TXNDC5: variants seen among roughly 807,000 people sequenced by gnomAD.
TXNDC5 encodes the protein thioredoxin domain containing 5.
TXNDC5 carries 44 observed loss-of-function variants against 52.6 expected under a neutral mutation model. The observed-to-expected ratio is 0.84, with a 90% confidence interval of 0.66 to 1.08. The LOEUF is 1.08. Ranked by LOEUF, TXNDC5 falls within the 50% of genes least tolerant of loss-of-function variation. The probability of loss-of-function intolerance (pLI) is 0.00; values close to 1 mark genes in which losing one functional copy is unlikely to be tolerated. For missense variants in TXNDC5, 600 were observed against 565.5 expected, an observed-to-expected ratio of 1.06 and a Z score of -0.62; for synonymous variants, 241 against 234.4, an observed-to-expected ratio of 1.03 and a Z score of -0.26.
intron 7 of TXNDC5, 95 bp from the exon 8 acceptor site, chr6:7,886,138 T>A (rs1052082523): frequency 9.9e-6 from 11 of 1,108,300 alleles, no homozygotes; most frequent in Admixed American, 2.1e-5. Context: ...AGTAATTTTT[T>A]AAAAATGCAG....
rs552221147 is a variant in TXNDC5 at position 7,901,845 on chromosome 6, AGT to A, written c.414-2166_414-2165del. Among the ~76,000 whole-genome samples, 739 of 152,360 alleles carry A rather than the reference AGT, an allele frequency of 4.9e-3. 7 individuals are homozygous for A. The highest frequency in any genetic ancestry group is 9.6e-3 in the Admixed American group (147 of 15,308). ...TGATGAAAGTTCTACTACCGTAGACAGTGTTATCAGTTGAACTGTGTCCTGCA... is the reference window on the plus strand; with the variant it reads ...TGATGAAAGTTCTACTACCGTAGACAGTTATCAGTTGAACTGTGTCCTGCA... On this transcript the variant is annotated intron_variant, in intron 2 of 9. Transcript: ENST00000379757.
At chr6:7,908,369 G>C (rs1425726244) in intron 1 of TXNDC5, among the ~76,000 whole-genome samples, 1 of 151,522 alleles carries the variant, frequency 6.6e-6, no homozygotes. Flanking sequence ...ACATATAATG[G>C]AAAAGGAATT....
At chr6:7,890,450 G>A (rs1331472443) in intron 5 of TXNDC5, among the ~76,000 whole-genome samples, 1 of 152,130 alleles carries the variant, frequency 6.6e-6, no homozygotes, top group African/African-American at 2.4e-5. Context: ...CAGGGATGAA[G>A]GGCTTCAGCG....
intron 6 of TXNDC5, chr6:7,889,114 T>C: frequency 2.1e-6 from 1 of 487,050 alleles, no homozygotes; most frequent in South Asian, 3.7e-5. Flanking sequence ...CAAGCCGTTG[T>C]GCTGATGGGG....
At chr6:7,892,847 A>T (rs1760241643) in intron 4 of TXNDC5, among the ~76,000 whole-genome samples, 1 of 152,250 alleles carries the variant, frequency 6.6e-6, no homozygotes, top group Non-Finnish European at 1.5e-5. Context: ...TGTATTCATC[A>T]GCAGTGAAAA....
intron 4 of TXNDC5, among the ~76,000 whole-genome samples, chr6:7,892,258 A>AT (rs550819945): frequency 3.9e-5 from 6 of 152,188 alleles, no homozygotes; most frequent in African/African-American, 1.4e-4. Context: ...ACTGAAACTG[A>AT]TTTTGTCCCC....
At chr6:7,900,914 G>T (rs1760543670) in intron 2 of TXNDC5, among the ~76,000 whole-genome samples, 1 of 151,960 alleles carries the variant, frequency 6.6e-6, no homozygotes, top group Admixed American at 6.6e-5. Context: ...TGGGGATTAG[G>T]ATTTCCCCTA....
chr6:7,906,132 C>A (rs749066393), intron 1 of TXNDC5, among the ~76,000 whole-genome samples: 5 of 147,982 alleles, frequency 3.4e-5, no homozygotes, highest in Non-Finnish European at 7.4e-5. Context: ...TCCTAGCTAC[C>A]TGGGAGGCTG....
intron 4 of TXNDC5, among the ~76,000 whole-genome samples, chr6:7,893,052 A>AT (rs1760249393): frequency 6.6e-6 from 1 of 152,226 alleles, no homozygotes; most frequent in Middle Eastern, 3.2e-3. Flanking sequence ...ATATTTTATC[A>AT]TAAAAAAAAG....
chr6:7,906,104 G>A (rs1473203904), intron 1 of TXNDC5, among the ~76,000 whole-genome samples: 1 of 148,112 alleles, frequency 6.8e-6, no homozygotes, highest in African/African-American at 2.7e-5. Flanking sequence ...AGCCTGGTGT[G>A]GTGGCACACA....
chr6:7,889,694 G>C, intron 5 of TXNDC5, 113 bp from the exon 6 acceptor site: 1 of 777,280 alleles, frequency 1.3e-6, no homozygotes, highest in Non-Finnish European at 2.1e-6. Flanking sequence ...TCCACATTCT[G>C]TAGCAACTCT....
rs1355866669 is a variant in TXNDC5 at position 7,883,105 on chromosome 6, G to A, written c.*39C>T. ...GGGACTGAACTCCTAAACGCAGGGT[G>A]CGGGAGCTGGGCAGGAGAGGTGACC... On this transcript the variant is annotated 3_prime_UTR_variant, in exon 10 of 10. Coordinates refer to ENST00000379757, the MANE Select transcript of TXNDC5 (RefSeq NM_030810.5). 2 of 1,613,606 alleles carry A rather than the reference G, an allele frequency of 1.2e-6. No homozygotes were observed. Among genetic ancestry groups the A allele is most frequent in the Non-Finnish European group, 1.7e-6 (2 of 1,179,848 alleles).
chr6:7,889,745 C>G (rs950496896), intron 5 of TXNDC5, among the ~76,000 whole-genome samples, 164 bp from the exon 6 acceptor site: 3 of 152,224 alleles, frequency 2.0e-5, no homozygotes, highest in South Asian at 2.1e-4. Context: ...TTCCTGAAAG[C>G]TATGCTAAAA....
At chr6:7,906,535 C>CAAAAAAAAAAAAAAAAAAAAA (rs1207193194) in intron 1 of TXNDC5, among the ~76,000 whole-genome samples, 2 of 42,552 alleles carry the variant, frequency 4.7e-5, no homozygotes, top group Admixed American at 3.2e-4. Flanking sequence ...GACTCCATCT[C>CAAAAAAAAAAAAAAAAAAAAA]AAAAAAAAAA....
At chr6:7,893,446 G>A (rs775700229) in intron 4 of TXNDC5, among the ~76,000 whole-genome samples, 13 of 152,206 alleles carry the variant, frequency 8.5e-5, no homozygotes, top group Admixed American at 7.2e-4. Flanking sequence ...TCAGAGTACT[G>A]ATGGGAAGCC....
chr6:7,906,639 T>A (rs567963775), intron 1 of TXNDC5, among the ~76,000 whole-genome samples: 2 of 149,246 alleles, frequency 1.3e-5, no homozygotes, highest in South Asian at 4.2e-4. Context: ...CTTGGCCAGC[T>A]AAGAGAATCC....
rs1251937402 is a variant in TXNDC5, at chr6:7,888,769, C to T, written c.899G>A (p.Gly300Glu). The change falls in exon 7 of 10, where the codon GGA (glycine) becomes GAA (glutamate). Residue 300 changes from glycine to glutamate, a missense_variant. Gly to Glu is a moderately conservative substitution (Grantham distance 98). Coordinates refer to ENST00000379757, the MANE Select transcript of TXNDC5 (RefSeq NM_030810.5). ...TGAGGGCGTGACGGTCTCCGTCGCTCCAGTCTCTGTGCGCTGCAGCTGCGA... is the reference window on the plus strand; with the variant it reads ...TGAGGGCGTGACGGTCTCCGTCGCTTCAGTCTCTGTGCGCTGCAGCTGCGA... ...VESQLQRTET[G>E]ATETVTPSEA... 1.9e-6 allele frequency: 3 copies of T among 1,614,024 alleles called. No homozygotes were observed. In the East Asian group the frequency reaches 6.7e-5, roughly 36 times the overall value.
intron 4 of TXNDC5, chr6:7,894,610 G>A (rs1760304631): frequency 1.5e-6 from 1 of 670,330 alleles, no homozygotes; most frequent in Non-Finnish European, 1.8e-6. Flanking sequence ...TCTATGAAAT[G>A]TGCTACAGCA....
intron 4 of TXNDC5, chr6:7,894,711 T>C (rs2113343463): frequency 1.0e-6 from 1 of 985,418 alleles, no homozygotes; most frequent in Non-Finnish European, 1.2e-6. Context: ...CACAAGCTGC[T>C]GGAAAAACCG....
Sources: gnomAD v4.1 joint callset for allele counts (sites outside exome capture counted in the v4.1 genomes callset) on GRCh38, gnomAD v4.1.1 for gene constraint, MANE v1.5 for transcripts, NCBI Gene and HGNC (gene_info 2026-07-23, HGNC 2026-07-21) for gene names.